NDUFA10: variants seen among roughly 807,000 people sequenced by gnomAD.
The protein encoded by NDUFA10 is NADH dehydrogenase [ubiquinone] 1 alpha subcomplex subunit 10, mitochondrial.
Under a neutral mutation model 47.8 loss-of-function variants are expected in NDUFA10, and 40 were observed. That is an observed-to-expected ratio of 0.84 (90% CI 0.65 to 1.09). The LOEUF (loss-of-function observed/expected upper bound fraction) is 1.09. Among genes scored for constraint, NDUFA10 ranks in the 50% least tolerant of loss-of-function variants. The probability of loss-of-function intolerance (pLI) is 0.00; values close to 1 mark genes in which losing one functional copy is unlikely to be tolerated. For missense variants in NDUFA10, 413 were observed against 451.1 expected (o/e 0.92, Z 0.76); for synonymous variants, 183 against 172.2 (o/e 1.06, Z -0.49).
rs1281974941 is a variant in NDUFA10 at position 239,958,685 on chromosome 2, T to A, written c.*2433A>T. 6.4e-6 allele frequency: 1 copy of A among 155,540 alleles called. No individual in the cohort carries two copies. Among genetic ancestry groups the A allele is most frequent in the Non-Finnish European group, 1.4e-5 (1 of 71,068 alleles). The allele number at this position is 155,540 out of a possible 1,614,324, so 9.6% of individuals were successfully genotyped here. On this transcript the variant is annotated 3_prime_UTR_variant, in exon 10 of 10. Transcript: ENST00000252711. ...GGTGGTCCTAAGTAGCTGCATGTAA[T>A]CTCTCCTAAGAAGCTCAATGTTCTT...
intron 4 of NDUFA10, among the ~76,000 whole-genome samples, chr2:239,937,555 A>T (rs1168506609): frequency 6.6e-6 from 1 of 152,172 alleles, no homozygotes; most frequent in Non-Finnish European, 1.5e-5. Context: ...TGAGTCTGCC[A>T]TGTGTATGCA....
At chr2:240,025,193 A>G in intron 1 of NDUFA10, 34 bp downstream of exon 1, 9 of 586,736 alleles carry the variant, frequency 1.5e-5, no homozygotes, top group Non-Finnish European at 1.9e-5. Flanking sequence ...CCACCCTGCC[A>G]CCCCGCCACC....
intron 4 of NDUFA10, among the ~76,000 whole-genome samples, chr2:239,930,687 C>T (rs1694154252): frequency 1.3e-5 from 2 of 152,090 alleles, no homozygotes; most frequent in South Asian, 4.1e-4. Context: ...GGCAAGGATG[C>T]ACCGGGAGCC....
At chr2:239,946,009 C>T (rs1373042579) in intron 4 of NDUFA10, among the ~76,000 whole-genome samples, 1 of 152,194 alleles carries the variant, frequency 6.6e-6, no homozygotes, top group Non-Finnish European at 1.5e-5. Context: ...GAGAGGAGGG[C>T]CCCAGGGATT....
At chr2:239,989,016 C>T (rs930660244) in intron 9 of NDUFA10, among the ~76,000 whole-genome samples, 2 of 93,922 alleles carry the variant, frequency 2.1e-5, no homozygotes, top group African/African-American at 8.2e-5. Context: ...TGTACAAGGA[C>T]AGATAAGGGA....
At chr2:239,989,876 G>C (rs979544747) in intron 9 of NDUFA10, among the ~76,000 whole-genome samples, 198 bp downstream of exon 9, 2 of 152,234 alleles carry the variant, frequency 1.3e-5, no homozygotes, top group Non-Finnish European at 2.9e-5. Context: ...CTCTGGGGCT[G>C]TCATCTGAGG....
chr2:240,002,486 T>C lies in NDUFA10; in HGVS notation c.890+2724A>G, dbSNP rs7564891. Among the ~76,000 whole-genome samples, 643 of 152,244 alleles carry C rather than the reference T, an allele frequency of 4.2e-3. 5 individuals carry two copies. Among genetic ancestry groups the C allele is most frequent in the African/African-American group, 0.015 (617 of 41,538 alleles). On this transcript the variant is annotated intron_variant, in intron 8 of 9. Transcript: ENST00000252711. ...TTTAGATTAACACCATTTTATACAG[T>C]AGTCAGTATATGGAATATAATATAT... is the stretch of plus-strand genomic sequence containing the variant.
At chr2:239,920,681 A>G (rs560142037) in intron 4 of NDUFA10, among the ~76,000 whole-genome samples, 4 of 152,328 alleles carry the variant, frequency 2.6e-5, no homozygotes, top group African/African-American at 9.6e-5. Context: ...AAGGTAAAGG[A>G]AGGGACGTGG....
chr2:239,992,882 G>A (rs773404786), intron 8 of NDUFA10, among the ~76,000 whole-genome samples: 2 of 152,148 alleles, frequency 1.3e-5, no homozygotes, highest in Non-Finnish European at 2.9e-5. Flanking sequence ...GTCAGGTTAT[G>A]GATAAAATGA....
intron 6 of NDUFA10, among the ~76,000 whole-genome samples, chr2:240,008,103 A>C (rs1697014921): frequency 6.6e-6 from 1 of 152,246 alleles, no homozygotes; most frequent in South Asian, 2.1e-4. Context: ...GTACAGGTAA[A>C]GTGCTTGTAT....
At chr2:239,926,219 T>C (rs1056334219) in intron 4 of NDUFA10, among the ~76,000 whole-genome samples, 7 of 152,248 alleles carry the variant, frequency 4.6e-5, no homozygotes, top group Middle Eastern at 3.2e-3. Context: ...TTATTCATAA[T>C]TGTCAAAATC....
At chr2:239,983,371 T>C in intron 9 of NDUFA10, 2 of 1,322,560 alleles carry the variant, frequency 1.5e-6, no homozygotes, top group Non-Finnish European at 2.0e-6. Flanking sequence ...CTGCTGCTGA[T>C]GTCTCTGATG....
At chr2:240,009,223 GCTC>G (rs1301990926) in intron 6 of NDUFA10, among the ~76,000 whole-genome samples, 4 of 152,186 alleles carry the variant, frequency 2.6e-5, no homozygotes, top group Non-Finnish European at 5.9e-5. Flanking sequence ...GTCACTCAGT[GCTC>G]CTCTTCTTGT....
At chr2:239,982,453 CTCT>C (rs762643258) in intron 9 of NDUFA10, among the ~76,000 whole-genome samples, 1 of 152,164 alleles carries the variant, frequency 6.6e-6, no homozygotes, top group Non-Finnish European at 1.5e-5. Flanking sequence ...ACCTCAGAAC[CTCT>C]AACTGTGACC....
chr2:239,962,347 C>T (rs890216208), intron 9 of NDUFA10, among the ~76,000 whole-genome samples: 3 of 152,204 alleles, frequency 2.0e-5, no homozygotes, highest in Non-Finnish European at 4.4e-5. Context: ...TCCACACAGC[C>T]ATGGCTGCCT....
chr2:240,010,755 G>A (rs1299754337), intron 6 of NDUFA10, among the ~76,000 whole-genome samples: 1 of 152,002 alleles, frequency 6.6e-6, no homozygotes, highest in Non-Finnish European at 1.5e-5. Flanking sequence ...ATTACCTATG[G>A]TCTAACAATA....
At chr2:240,021,474 TG>T in intron 2 of NDUFA10, 62 bp from the exon 3 acceptor site, 1 of 1,478,688 alleles carries the variant, frequency 6.8e-7, no homozygotes, top group Non-Finnish European at 9.4e-7. Context: ...CAGGGAGCAG[TG>T]GGGACTAGCC....
chr2:239,948,336 G>A (rs1053572996), intron 4 of NDUFA10, among the ~76,000 whole-genome samples: 1 of 152,216 alleles, frequency 6.6e-6, no homozygotes, highest in African/African-American at 2.4e-5. Flanking sequence ...GGCTCCCTGT[G>A]GTCTCATTCA....
rs931644481 is a variant in NDUFA10 at position 239,928,161 on chromosome 2, C to T, written c.295-32847G>A. Among the ~76,000 whole-genome samples the T allele has an allele frequency of 2.0e-5, 3 of 151,640 alleles. No individual in the cohort carries two copies. The highest frequency in any genetic ancestry group is 4.4e-5 in the Non-Finnish European group (3 of 67,960). ...GGAGCAGAAGGTCTGTACAAAGATT[C>T]CAGGACTTTAAAAAAAAAATAACAA... On this transcript the variant is annotated intron_variant, in intron 4 of 5. Transcript: ENST00000419408. The surrounding 1 kb of genome is among the most constrained non-coding windows in gnomAD (Gnocchi z 4.3).
Sources: allele counts gnomAD v4.1 joint callset (sites outside exome capture counted in the v4.1 genomes callset), GRCh38; gene constraint gnomAD v4.1.1; non-coding constraint Gnocchi (gnomAD v3.1); transcripts MANE v1.5; gene names NCBI Gene and HGNC (gene_info 2026-07-23, HGNC 2026-07-21).